GABBR2: variants seen among roughly 807,000 people sequenced by gnomAD.
The protein encoded by GABBR2 is G-protein coupled receptor 51.
GABBR2 carries 23 observed loss-of-function variants against 105.6 expected under a neutral mutation model. That is an observed-to-expected ratio of 0.22 (90% confidence interval 0.16 to 0.31). The LOEUF is 0.31. Ranked by LOEUF, GABBR2 falls within the 10% of genes least tolerant of loss-of-function variation. The probability of loss-of-function intolerance (pLI) is 1.00; values close to 1 mark genes in which losing one functional copy is unlikely to be tolerated. For missense variants in GABBR2, 734 were observed against 1,245.5 expected, an observed-to-expected ratio of 0.59 and a Z score of 6.18; for synonymous variants, 478 against 499.7, an observed-to-expected ratio of 0.96 and a Z score of 0.58.
At chr9:98,392,460 G>A (rs181743572) in intron 9 of GABBR2, among the ~76,000 whole-genome samples, 33 of 152,282 alleles carry the variant, frequency 2.2e-4, no homozygotes, top group Admixed American at 6.5e-4. Flanking sequence ...AATACTTGAC[G>A]ATATGTCTGG....
At chr9:98,294,000 A>G (rs1830342950) in intron 17 of GABBR2, 98 bp from the exon 18 acceptor site, 4 of 776,522 alleles carry the variant, frequency 5.2e-6, no homozygotes, top group Non-Finnish European at 9.1e-6. Flanking sequence ...AAGAGACAGA[A>G]TGCAAAAGAG....
chr9:98,577,876 A>C, intron 2 of GABBR2, 59 bp downstream of exon 2: 1 of 1,529,534 alleles, frequency 6.5e-7, no homozygotes, highest in Non-Finnish European at 8.9e-7. Context: ...TAATTCCTGC[A>C]AAAGACTGAG....
intron 2 of GABBR2, among the ~76,000 whole-genome samples, chr9:98,569,690 A>G (rs1198985033): frequency 6.6e-6 from 1 of 152,138 alleles, no homozygotes; most frequent in Non-Finnish European, 1.5e-5. Flanking sequence ...TTACTGTGAG[A>G]CTTTGGCAAG....
chr9:98,522,153 C>A (rs78079161), intron 3 of GABBR2, among the ~76,000 whole-genome samples: 11 of 49,008 alleles, frequency 2.2e-4, no homozygotes, highest in Admixed American at 2.7e-4. Flanking sequence ...TAAAAAAAAA[C>A]TGATGAATAT....
rs7848201 is a variant in GABBR2 at position 98,634,036 on chromosome 9, T to G, written c.322-55964A>C. Among the ~76,000 whole-genome samples, 274 of 152,252 alleles carry G rather than the reference T, an allele frequency of 1.8e-3. 3 individuals are homozygous for G. The highest frequency in any genetic ancestry group is 6.1e-3 in the African/African-American group (252 of 41,554). ...AATTTTCAGAGCTGTCACACGGGGC[T>G]GAGTGGCCTAGAGGCAGACACCCAG... On this transcript the variant is annotated intron_variant, in intron 1 of 18. Transcript: ENST00000259455.
intron 1 of GABBR2, among the ~76,000 whole-genome samples, chr9:98,647,828 C>T (rs1830045292): frequency 6.6e-6 from 1 of 152,148 alleles, no homozygotes; most frequent in African/African-American, 2.4e-5. Flanking sequence ...CTCATTACCT[C>T]GAGCGCTGGC....
intron 13 of GABBR2, among the ~76,000 whole-genome samples, chr9:98,359,666 G>A (rs1047059647): frequency 6.6e-6 from 1 of 152,118 alleles, no homozygotes; most frequent in Admixed American, 6.5e-5. Flanking sequence ...GAAGTGATAC[G>A]GTTATTCGTC....
intron 3 of GABBR2, among the ~76,000 whole-genome samples, chr9:98,519,278 G>A (rs536087764): frequency 6.6e-4 from 100 of 152,324 alleles, no homozygotes; most frequent in African/African-American, 2.3e-3. Flanking sequence ...GCCTGAGGTG[G>A]GTGTCACTTA....
At chr9:98,444,123 C>T (rs549921919) in intron 7 of GABBR2, among the ~76,000 whole-genome samples, 39 of 152,308 alleles carry the variant, frequency 2.6e-4, no homozygotes, top group African/African-American at 8.9e-4. Flanking sequence ...TATGACATGT[C>T]ATTAATTATT....
At chr9:98,438,788 C>A (rs1825979005) in intron 7 of GABBR2, among the ~76,000 whole-genome samples, 1 of 152,148 alleles carries the variant, frequency 6.6e-6, no homozygotes, top group Non-Finnish European at 1.5e-5. Flanking sequence ...AACCCTACCA[C>A]AAAAACCTCA....
chr9:98,649,313 A>T (rs1309911498), intron 1 of GABBR2, among the ~76,000 whole-genome samples: 1 of 152,232 alleles, frequency 6.6e-6, no homozygotes, highest in African/African-American at 2.4e-5. Context: ...TTTGTTAAAA[A>T]ATACTGATTT....
chr9:98,550,704 A>T (rs993035016), intron 2 of GABBR2, among the ~76,000 whole-genome samples: 1 of 152,182 alleles, frequency 6.6e-6, no homozygotes, highest in Non-Finnish European at 1.5e-5. Context: ...TCCTTCTTGC[A>T]TCTGTAGAAC....
intron 8 of GABBR2, among the ~76,000 whole-genome samples, chr9:98,404,199 C>CAA (rs55680554): frequency 0.042 from 6,020 of 144,972 alleles, 366 homozygotes; most frequent in African/African-American, 0.14. Context: ...TGCAATCACT[C>CAA]AAAAAAAAAA....
At chr9:98,403,756 A>T (rs10818885) in intron 8 of GABBR2, among the ~76,000 whole-genome samples, 46,374 of 145,204 alleles carry the variant, frequency 0.32, 7,363 homozygotes, top group South Asian at 0.37. Flanking sequence ...GAAAAAAAAA[A>T]ATATATATAT....
chr9:98,349,143 G>A (rs1159029663), intron 13 of GABBR2, among the ~76,000 whole-genome samples: 1 of 151,856 alleles, frequency 6.6e-6, no homozygotes. Context: ...ATGAAGGGAT[G>A]TTGAATTTTA....
chr9:98,603,930 C>T (rs1829377437), intron 1 of GABBR2, among the ~76,000 whole-genome samples: 1 of 152,170 alleles, frequency 6.6e-6, no homozygotes, highest in Non-Finnish European at 1.5e-5. Flanking sequence ...AATAACGTCC[C>T]GTTCCATCTG....
chr9:98,403,021 C>T (rs972675604), intron 8 of GABBR2, among the ~76,000 whole-genome samples: 5 of 152,064 alleles, frequency 3.3e-5, no homozygotes, highest in East Asian at 3.9e-4. Context: ...GTAGGCCAGG[C>T]GCAGTGGCTC....
Position 98,332,643 on chromosome 9 carries a change from T to C in GABBR2, c.1894-21438A>G, listed in dbSNP as rs140004262. Among the ~76,000 whole-genome samples the C allele has an allele frequency of 5.7e-3, 869 of 152,340 alleles. 8 individuals carry two copies. Among genetic ancestry groups the C allele is most frequent in the African/African-American group, 0.02 (838 of 41,570 alleles). ...GGCCTGGGCTGGTGACTGCATTCTATTTCCTTGGCATGTGAATGCATTTCC... is the reference window on the plus strand; with the variant it reads ...GGCCTGGGCTGGTGACTGCATTCTACTTCCTTGGCATGTGAATGCATTTCC... On this transcript the variant is annotated intron_variant, in intron 13 of 18. Transcript: ENST00000259455.
chr9:98,298,947 A>T (rs1427777085), intron 17 of GABBR2, among the ~76,000 whole-genome samples: 1 of 152,240 alleles, frequency 6.6e-6, no homozygotes, highest in Non-Finnish European at 1.5e-5. Flanking sequence ...GCCCCCAGTC[A>T]GGACACTGGG....
Sources: gnomAD v4.1 joint callset for allele counts (sites outside exome capture counted in the v4.1 genomes callset) on GRCh38, gnomAD v4.1.1 for gene constraint, MANE v1.5 for transcripts, NCBI Gene and HGNC (gene_info 2026-07-23, HGNC 2026-07-21) for gene names.